The following POLR1B variants were observed in gnomAD, a reference collection of about 807,000 sequenced individuals.
The protein encoded by POLR1B is DNA-directed RNA polymerase I subunit RPA2.
In POLR1B, 30 loss-of-function variants were observed where a neutral mutation model predicts 105.8. The ratio of observed to expected loss-of-function variants is 0.28; its 90% CI spans 0.21 to 0.38. POLR1B has a LOEUF of 0.38. POLR1B is among the 10% of genes least tolerant of loss of function. The pLI, the probability that POLR1B is intolerant of heterozygous loss-of-function variation, is 1.00. For synonymous variants in POLR1B, 485 were observed against 505.1 expected, an observed-to-expected ratio of 0.96 and a Z score of 0.53; for missense variants, 976 against 1,435.8, an observed-to-expected ratio of 0.68 and a Z score of 5.17.
In POLR1B at chr2:112,547,179, A is replaced by G; in HGVS notation, c.345A>G (p.Thr115=). The G allele has an allele frequency of 1.2e-6, 2 of 1,614,076 alleles. No individual in the cohort carries two copies. Among genetic ancestry groups the G allele is most frequent in the African/African-American group, 1.3e-5 (1 of 75,026 alleles). The part of the protein sequence containing the change: ...GRRSTYRGKL[T]ADINWAVNGI... ...GGAGTACCTACCGTGGGAAGTTGAC[A>G]GTGAGTACTAGTGATACTGTGTGAC... The change falls in exon 2 of 15, where the codon ACA becomes ACG. Residue 115 remains threonine, a splice_region_variant and synonymous_variant. Coordinates refer to ENST00000263331, the MANE Select transcript of POLR1B (RefSeq NM_019014.6).
intron 7 of POLR1B, 76 bp downstream of exon 7, chr2:112,552,892 T>C: frequency 7.8e-7 from 1 of 1,281,426 alleles, no homozygotes; most frequent in Non-Finnish European, 1.0e-6. Context: ...GCAGCACTGT[T>C]TTCTGCATGT....
At chr2:112,573,301 C>T (rs1445025489) in intron 13 of POLR1B, among the ~76,000 whole-genome samples, 1 of 152,160 alleles carries the variant, frequency 6.6e-6, no homozygotes, top group Admixed American at 6.5e-5. Context: ...TGGGGTTTCA[C>T]CATGTTGGCC....
At chr2:112,566,609 G>A (rs1684286113) in intron 10 of POLR1B, among the ~76,000 whole-genome samples, 1 of 152,110 alleles carries the variant, frequency 6.6e-6, no homozygotes, top group South Asian at 2.1e-4. Context: ...CTCAGAAAGT[G>A]TATGAGATTT....
At chr2:112,574,471 A>G (rs577111766) in intron 14 of POLR1B, among the ~76,000 whole-genome samples, 172 of 152,262 alleles carry the variant, frequency 1.1e-3, no homozygotes, top group African/African-American at 3.6e-3. Context: ...TGCAATCCCA[A>G]CACTTTGGGA....
intron 9 of POLR1B, among the ~76,000 whole-genome samples, chr2:112,562,886 C>G (rs910757813): frequency 6.6e-6 from 1 of 151,076 alleles, no homozygotes; most frequent in Non-Finnish European, 1.5e-5. Context: ...CCATCATGCC[C>G]GGATAATTTT....
At chr2:112,567,560 G>T in intron 10 of POLR1B, among the ~76,000 whole-genome samples, 1 of 151,654 alleles carries the variant, frequency 6.6e-6, no homozygotes, top group East Asian at 1.9e-4. Flanking sequence ...TTTAATTTTT[G>T]TAGAGACGGG....
Position 112,576,345 on chromosome 2 carries a change from TTTTTG to T in POLR1B, c.*623_*627del, listed in dbSNP as rs1481675767. The T allele has an allele frequency of 6.6e-6, 1 of 152,366 alleles. No individual in the cohort carries two copies. The highest frequency in any genetic ancestry group is 1.9e-4 in the East Asian group (1 of 5,206). The allele number at this position is 152,366 out of a possible 1,614,324, so 9.4% of individuals were successfully genotyped here. A position where few individuals can be genotyped will look rare whatever the true frequency, so the allele number is the denominator to read the frequency against. On this transcript the variant is annotated 3_prime_UTR_variant, in exon 15 of 15. Transcript: ENST00000263331. Reference sequence around the variant, plus strand: ...TTTTTGCTTTTTGGTTGCTGTTGAGTTTTTGTTTTGTCTTCTGTGGTAAGAACACT... The same window carrying T: ...TTTTTGCTTTTTGGTTGCTGTTGAGTTTTTGTCTTCTGTGGTAAGAACACT...
At chr2:112,555,197 G>A (rs1036389576) in intron 7 of POLR1B, among the ~76,000 whole-genome samples, 1 of 151,246 alleles carries the variant, frequency 6.6e-6, no homozygotes, top group East Asian at 2.0e-4. Flanking sequence ...AAACCTGTTA[G>A]CTGGGCATGG....
rs144743778 is a variant in POLR1B, at chr2:112,565,843, G to A, written c.1746+1344G>A. ...CCCTATCCCCTTCCTGGAGGTTGAGGGTGGGGGTGAAAGTCCCAATCCTCT... is the reference window on the plus strand; with the variant it reads ...CCCTATCCCCTTCCTGGAGGTTGAGAGTGGGGGTGAAAGTCCCAATCCTCT... On this transcript the variant is annotated intron_variant, in intron 10 of 14. Transcript: ENST00000263331. Among the ~76,000 whole-genome samples the A allele has an allele frequency of 7.5e-3, 1,143 of 152,104 alleles. 12 individuals are homozygous for A. The highest frequency in any genetic ancestry group is 0.011 in the Non-Finnish European group (720 of 67,974).
chr2:112,569,780 G>A (rs545133726), intron 12 of POLR1B, among the ~76,000 whole-genome samples: 1 of 151,594 alleles, frequency 6.6e-6, no homozygotes, highest in Non-Finnish European at 1.5e-5. Context: ...GGCTGGTCTC[G>A]AACTCCTGAC....
At chr2:112,566,763 C>T (rs575082827) in intron 10 of POLR1B, among the ~76,000 whole-genome samples, 25 of 150,244 alleles carry the variant, frequency 1.7e-4, no homozygotes, top group Admixed American at 8.0e-4. Flanking sequence ...GGCAGAGTCT[C>T]GCTCTGTCGC....
chr2:112,552,283 C>T (rs1683413556), intron 6 of POLR1B, among the ~76,000 whole-genome samples: 3 of 152,158 alleles, frequency 2.0e-5, no homozygotes, highest in African/African-American at 7.2e-5. Context: ...TAATTGTGAA[C>T]ATTTCATTCA....
chr2:112,557,119 A>G (rs1003697440), intron 7 of POLR1B, among the ~76,000 whole-genome samples: 1 of 152,198 alleles, frequency 6.6e-6, no homozygotes, highest in African/African-American at 2.4e-5. Context: ...CCCCATCTCT[A>G]CAAAAAAAAT....
intron 12 of POLR1B, among the ~76,000 whole-genome samples, chr2:112,571,167 C>T (rs1454686596): frequency 6.6e-6 from 1 of 152,086 alleles, no homozygotes; most frequent in African/African-American, 2.4e-5. Flanking sequence ...ATATTTTGAA[C>T]ATAGTTTTAT....
Position 112,576,083 on chromosome 2 carries a change from A to G in POLR1B, c.*354A>G, listed in dbSNP as rs1205847150. The G allele has an allele frequency of 2.5e-5, 5 of 196,262 alleles. No individual in the cohort carries two copies. Among genetic ancestry groups the G allele is most frequent in the African/African-American group, 1.2e-4 (5 of 42,682 alleles). The allele number at this position is 196,262 out of a possible 1,614,324, so 12.2% of individuals were successfully genotyped here. The stretch of plus-strand genomic sequence containing the variant: ...CCTGTTAATCCATCTTGAGCAGGAC[A>G]GTACTATACAAATAGAATGCAAGCT... On this transcript the variant is annotated 3_prime_UTR_variant, in exon 15 of 15. Coordinates refer to ENST00000263331, the MANE Select transcript of POLR1B (RefSeq NM_019014.6).
At chr2:112,574,739 AAAAAAAG>A in intron 14 of POLR1B, 101 bp from the exon 15 acceptor site, 3 of 1,033,490 alleles carry the variant, frequency 2.9e-6, no homozygotes, top group Non-Finnish European at 4.1e-6. Flanking sequence ...AAAAAAAAAA[AAAAAAAG>A]TTTTACAAAT....
chr2:112,542,304 A>G (rs1682790242), upstream of POLR1B: 11 of 1,528,488 alleles, frequency 7.2e-6, no homozygotes, highest in Non-Finnish European at 9.6e-6. Flanking sequence ...CGGCCCGTTC[A>G]CTCGACGTTT....
rs947416764 is a variant in POLR1B, at chr2:112,577,265, T to C, written c.*1536T>C. On this transcript the variant is annotated 3_prime_UTR_variant, in exon 15 of 15. Coordinates refer to ENST00000263331, the MANE Select transcript of POLR1B (RefSeq NM_019014.6). ...TCATTTCAAGATAGGCTTAGCAGGA[T>C]GGGCGCAGTGGCTCACGCCACTAAT... 2 of 152,248 alleles carry C rather than the reference T, an allele frequency of 1.3e-5. No homozygotes were observed. The highest frequency in any genetic ancestry group is 4.8e-5 in the African/African-American group (2 of 41,468). The allele number at this position is 152,248 out of a possible 1,614,324, so 9.4% of individuals were successfully genotyped here.
chr2:112,543,821 A>T (rs1253809632), intron 1 of POLR1B, among the ~76,000 whole-genome samples: 7 of 152,114 alleles, frequency 4.6e-5, no homozygotes, highest in Admixed American at 1.3e-4. Context: ...GCAGTGGCTC[A>T]CACCTGTAAT....
Sources: allele counts gnomAD v4.1 joint callset (sites outside exome capture counted in the v4.1 genomes callset), GRCh38; gene constraint gnomAD v4.1.1; transcripts MANE v1.5; gene names NCBI Gene and HGNC (gene_info 2026-07-23, HGNC 2026-07-21).